Variants in ZNF600 observed in about 807,000 individuals in gnomAD.
ZNF600 encodes zinc finger protein KR-ZNF1.
ZNF600 carries 4 observed loss-of-function variants against 7.3 expected under a neutral mutation model. That is an observed-to-expected ratio of 0.55 (90% CI 0.27 to 1.25). ZNF600 has a LOEUF of 1.25. Among genes scored for constraint, ZNF600 ranks in the 50% most tolerant of loss-of-function variants. The pLI is 0.12. For missense variants in ZNF600, 911 were observed against 922.1 expected (o/e 0.99, Z 0.16); for synonymous variants, 290 against 308.9 (o/e 0.94, Z 0.64).
At chr19:52,791,119 T>G (rs2062789880), upstream of ZNF600, among the ~76,000 whole-genome samples, 1 of 152,216 alleles carries the variant, frequency 6.6e-6, no homozygotes, top group Non-Finnish European at 1.5e-5. Context: ...ACCAGATATC[T>G]GTGCATATTA....
At chr19:52,787,146 G>C (rs1164318164), upstream of ZNF600, among the ~76,000 whole-genome samples, 5 of 152,222 alleles carry the variant, frequency 3.3e-5, no homozygotes, top group Admixed American at 3.3e-4. Flanking sequence ...TCCACCCCGT[G>C]CTCAGCTTCA....
In ZNF600 at chr19:52,782,758, C is replaced by T. The variant is rs186764269; in HGVS notation, c.-20+3837G>A. ...AGGTGTGGTGGCGGCTGGCTGTAAT[C>T]CCAGCTGCTCGGGAGGCTGAGACAG... On this transcript the variant is annotated intron_variant, in intron 1 of 3. Coordinates refer to ENST00000648973, the Ensembl canonical transcript of ZNF600. 2.3e-3 allele frequency among the ~76,000 whole-genome samples: 357 copies of T among 152,170 alleles called. 2 individuals carry two copies. The highest frequency in any genetic ancestry group is 8.2e-3 in the African/African-American group (341 of 41,508).
At chr19:52,825,568 T>G in the ZNF600 span, among the ~76,000 whole-genome samples, 3 of 151,952 alleles carry the variant, frequency 2.0e-5, no homozygotes, top group Non-Finnish European at 4.4e-5. Flanking sequence ...AGCTACTCAG[T>G]TGGCTGAGGC....
the ZNF600 span, among the ~76,000 whole-genome samples, chr19:52,812,403 T>C: frequency 7.4e-6 from 1 of 135,362 alleles, no homozygotes; most frequent in East Asian, 2.0e-4. Flanking sequence ...GGGAGACTTT[T>C]CATTTTGTTC....
the ZNF600 span, chr19:52,817,806 G>A: frequency 1.9e-6 from 3 of 1,541,186 alleles, no homozygotes; most frequent in Non-Finnish European, 1.8e-6. Context: ...GAGATGAGAT[G>A]AACTGAAGGA....
At chr19:52,765,257 A>T (rs960735864) in exon 4 of ZNF600, 1 of 582,800 alleles carries the variant, frequency 1.7e-6, no homozygotes, top group Non-Finnish European at 3.4e-6. Flanking sequence ...GACATTTGTA[A>T]GATTTCTGTC....
At chr19:52,811,087 T>A in the ZNF600 span, among the ~76,000 whole-genome samples, 9 of 142,598 alleles carry the variant, frequency 6.3e-5, no homozygotes, top group African/African-American at 1.6e-4. Context: ...GGAGACGGGG[T>A]TTCGCTGTGT....
intron 1 of ZNF600, among the ~76,000 whole-genome samples, chr19:52,785,141 G>A (rs772095888): frequency 1.1e-4 from 17 of 151,446 alleles, no homozygotes; most frequent in Non-Finnish European, 2.4e-4. Flanking sequence ...CTGGGATTGT[G>A]CTCCTCATTT....
chr19:52,813,597 T>C, the ZNF600 span, among the ~76,000 whole-genome samples: 1 of 145,578 alleles, frequency 6.9e-6, no homozygotes, highest in African/African-American at 2.7e-5. Flanking sequence ...CCTGCTCCTG[T>C]CCCTCCAGGT....
the ZNF600 span, among the ~76,000 whole-genome samples, chr19:52,812,238 C>A: frequency 7.3e-6 from 1 of 137,578 alleles, no homozygotes; most frequent in Non-Finnish European, 1.5e-5. Flanking sequence ...AGCCCCTCTG[C>A]CCGGCCACGA....
the ZNF600 span, among the ~76,000 whole-genome samples, chr19:52,812,762 TAAAAAAAAAAA>T: frequency 9.3e-5 from 7 of 75,428 alleles, no homozygotes; most frequent in African/African-American, 2.1e-4. Flanking sequence ...GAATGATCAA[TAAAAAAAAAAA>T]AAAAAAAAAA....
At chr19:52,796,791 CTT>C in the ZNF600 span, among the ~76,000 whole-genome samples, 3 of 152,146 alleles carry the variant, frequency 2.0e-5, no homozygotes, top group Admixed American at 6.5e-5. Flanking sequence ...GATATTTCTT[CTT>C]GTTTCAATTT....
rs149132100 is a variant in ZNF600, at chr19:52,767,286, A to G, written c.677T>C (p.Met226Thr). The change falls in exon 4 of 4, where the codon ATG (methionine) becomes ACG (threonine). Residue 226 changes from methionine to threonine, a missense_variant. Coordinates refer to ENST00000648973, the Ensembl canonical transcript of ZNF600. ...ATTACATTGGAAAGATTTTTCTCTC[A>G]TGTATACTTCCTGTTTTTGTGGGAG... 328 of 1,614,076 alleles carry G rather than the reference A, an allele frequency of 2.0e-4. No homozygotes were observed. Among genetic ancestry groups the G allele is most frequent in the Non-Finnish European group, 2.5e-4 (290 of 1,180,040 alleles).
rs546381326 is a variant in ZNF600, at chr19:52,775,056, A to G, written c.64-355T>C. ...AGAGTTCGAGACCACCCTGGCCAACATGGTGAAAACCTGTCTCTACTAAAA... is the reference window on the plus strand; with the variant it reads ...AGAGTTCGAGACCACCCTGGCCAACGTGGTGAAAACCTGTCTCTACTAAAA... On this transcript the variant is annotated intron_variant, in intron 2 of 3. Transcript: ENST00000648973. Among the ~76,000 whole-genome samples the G allele has an allele frequency of 3.9e-3, 601 of 152,266 alleles. 5 individuals carry two copies. The highest frequency in any genetic ancestry group is 0.013 in the African/African-American group (550 of 41,550).
the ZNF600 span, among the ~76,000 whole-genome samples, chr19:52,820,541 TGGAC>T: frequency 2.0e-5 from 3 of 152,122 alleles, no homozygotes; most frequent in African/African-American, 4.8e-5. Flanking sequence ...TATAACCCCC[TGGAC>T]CCAGTCTGGC....
upstream of ZNF600, among the ~76,000 whole-genome samples, chr19:52,787,235 C>T (rs570178834): frequency 2.1e-4 from 32 of 152,150 alleles, no homozygotes; most frequent in African/African-American, 5.8e-4. Flanking sequence ...CACCTGCTGC[C>T]TAAACACAGC....
chr19:52,797,430 T>G, the ZNF600 span: 1 of 152,254 alleles, frequency 6.6e-6, no homozygotes, highest in African/African-American at 2.4e-5. Context: ...AAGTCAAATT[T>G]TATTTGTTTG....
exon 4 of ZNF600, chr19:52,766,337 C>T: frequency 1.9e-6 from 3 of 1,614,144 alleles, no homozygotes; most frequent in Non-Finnish European, 2.5e-6. Flanking sequence ...TGTCACAAAC[C>T]TTACATTTGT....
the ZNF600 span, among the ~76,000 whole-genome samples, chr19:52,819,496 A>C: frequency 0.2 from 9,482 of 47,630 alleles, 2,323 homozygotes; most frequent in African/African-American, 0.25. Flanking sequence ...CCAGACACCC[A>C]CTCTATTTTG....
Sources: allele counts gnomAD v4.1 joint callset (sites outside exome capture counted in the v4.1 genomes callset), GRCh38; gene constraint gnomAD v4.1.1; transcripts MANE v1.5; gene names NCBI Gene and HGNC (gene_info 2026-07-23, HGNC 2026-07-21).